The following LINGO1 variants were observed in gnomAD, a reference collection of about 807,000 sequenced individuals.
The protein encoded by LINGO1 is leucine-rich repeat and immunoglobulin-like domain-containing nogo receptor-interacting protein 1.
LINGO1 carries 11 observed loss-of-function variants against 37.3 expected under a neutral mutation model. The ratio of observed to expected loss-of-function variants is 0.29; its 90% CI spans 0.19 to 0.49. The LOEUF (loss-of-function observed/expected upper bound fraction) is 0.49, where lower values mean the gene tolerates loss of function less well. Among genes scored for constraint, LINGO1 ranks in the 20% least tolerant of loss-of-function variants. The pLI is 0.99. For missense variants in LINGO1, 585 were observed against 878.2 expected (o/e 0.67, Z 4.22); for synonymous variants, 387 against 403.0 (o/e 0.96, Z 0.48).
chr15:77,778,096 G>A (rs994569693), intron 1 of LINGO1, among the ~76,000 whole-genome samples: 2 of 152,208 alleles, frequency 1.3e-5, no homozygotes, highest in Non-Finnish European at 2.9e-5. Flanking sequence ...GGGGGGACTG[G>A]CTCCTGCCAT....
At chr15:77,758,867 G>T (rs138101830) in intron 1 of LINGO1, among the ~76,000 whole-genome samples, 2 of 151,770 alleles carry the variant, frequency 1.3e-5, no homozygotes, top group Non-Finnish European at 2.9e-5. Context: ...GGTCAGAAGC[G>T]GGGGGAGGAA....
At chr15:77,644,629 C>A (rs1243634371) in intron 3 of LINGO1, among the ~76,000 whole-genome samples, 1 of 152,162 alleles carries the variant, frequency 6.6e-6, no homozygotes, top group Non-Finnish European at 1.5e-5. Flanking sequence ...AGAGCTAAGC[C>A]CAGGGGCAGG....
upstream of LINGO1, among the ~76,000 whole-genome samples, chr15:77,700,365 T>A (rs2075766858): frequency 6.6e-6 from 1 of 152,214 alleles, no homozygotes; most frequent in South Asian, 2.1e-4. Context: ...AGGTGGCAGC[T>A]TTTCAACTGT....
At chr15:77,632,991 G>A (rs1195237402), upstream of LINGO1, among the ~76,000 whole-genome samples, 1 of 151,354 alleles carries the variant, frequency 6.6e-6, no homozygotes, top group Non-Finnish European at 1.5e-5. This position sits in a 1 kb window ranked among gnomAD's most constrained non-coding sequence, Gnocchi z 6.0. Context: ...GGGAGGAGAA[G>A]GCGCGGCCGC....
At chr15:77,719,211 C>T (rs1302864367) in intron 2 of LINGO1, among the ~76,000 whole-genome samples, 3 of 150,126 alleles carry the variant, frequency 2.0e-5, no homozygotes, top group African/African-American at 7.3e-5. Context: ...TTTGCCTGAG[C>T]CCCTCTGGGC....
At chr15:77,757,818 C>A (rs2076435374) in intron 1 of LINGO1, among the ~76,000 whole-genome samples, 1 of 152,172 alleles carries the variant, frequency 6.6e-6, no homozygotes, top group South Asian at 2.1e-4. Context: ...GGGCTCAGTC[C>A]CCAGCCCTGG....
upstream of LINGO1, among the ~76,000 whole-genome samples, chr15:77,633,788 G>A (rs960599387): frequency 6.6e-6 from 1 of 152,152 alleles, no homozygotes; most frequent in African/African-American, 2.4e-5. Context: ...ACCTCTCCTC[G>A]GAGATCCAGA....
Position 77,632,361 on chromosome 15 carries a change from T to C in LINGO1, c.-46A>G, listed in dbSNP as rs1162959845. Reference sequence around the variant, plus strand: ...GCTCGGCTCGGTCACCAATCGCATGTCTCTCCAGCCGGCCCGACCAGGCCC... The same window carrying C: ...GCTCGGCTCGGTCACCAATCGCATGCCTCTCCAGCCGGCCCGACCAGGCCC... On this transcript the variant is annotated 5_prime_UTR_variant, in exon 1 of 2. Transcript: ENST00000355300. The surrounding 1 kb of genome is among the most constrained non-coding windows in gnomAD (Gnocchi z 6.0). The C allele has an allele frequency of 1.0e-5, 14 of 1,396,738 alleles. No individual in the cohort carries two copies. The highest frequency in any genetic ancestry group is 1.2e-5 in the Non-Finnish European group (13 of 1,071,482). 86.5% of individuals were successfully genotyped at this position (1,396,738 alleles called of 1,614,324 possible).
chr15:77,678,481 T>C (rs942070908), intron 2 of LINGO1, among the ~76,000 whole-genome samples: 2 of 152,244 alleles, frequency 1.3e-5, no homozygotes, highest in African/African-American at 2.4e-5. Context: ...ACTTCACATT[T>C]ATTAATATCT....
At chr15:77,622,947 T>G (rs1173704501) in intron 1 of LINGO1, among the ~76,000 whole-genome samples, 1 of 152,184 alleles carries the variant, frequency 6.6e-6, no homozygotes, top group Non-Finnish European at 1.5e-5. Flanking sequence ...GCTTCTGGGC[T>G]TCTCCCAGCT....
intron 2 of LINGO1, among the ~76,000 whole-genome samples, chr15:77,720,909 C>A (rs2076043061): frequency 6.6e-6 from 1 of 152,060 alleles, no homozygotes. Context: ...CTCCCTCATC[C>A]CTCCACCCAC....
At chr15:77,818,861 C>G (rs2077070495) in intron 1 of LINGO1, among the ~76,000 whole-genome samples, 1 of 151,622 alleles carries the variant, frequency 6.6e-6, no homozygotes. Context: ...AGGCGCACCC[C>G]TCCGCCCGCC....
intron 1 of LINGO1, among the ~76,000 whole-genome samples, chr15:77,619,828 C>A (rs546572157): frequency 1.3e-5 from 2 of 152,376 alleles, no homozygotes; most frequent in Admixed American, 1.3e-4. Flanking sequence ...TCCCACAGAG[C>A]CATGGGCCAT....
chr15:77,671,669 G>A (rs546455096), intron 3 of LINGO1, among the ~76,000 whole-genome samples: 5 of 152,342 alleles, frequency 3.3e-5, no homozygotes, highest in Middle Eastern at 6.8e-3. Flanking sequence ...GGCGGTCCCC[G>A]CCTGGTACCC....
intron 2 of LINGO1, among the ~76,000 whole-genome samples, chr15:77,720,955 A>T (rs2076043743): frequency 6.6e-6 from 1 of 151,430 alleles, no homozygotes; most frequent in Non-Finnish European, 1.5e-5. Flanking sequence ...ACCTTCCGGG[A>T]CTCTCCTGGG....
Position 77,797,998 on chromosome 15 carries a change from G to A in LINGO1, c.-457-1945C>T, listed in dbSNP as rs191010278. On this transcript the variant is annotated intron_variant, in intron 1 of 5. Transcript: ENST00000562933. ...AGAAGTGGGTGCTGAGCAGGCTCCA[G>A]GGCCCACTTTGGCTTTCCAATCCTG... 4.9e-3 allele frequency among the ~76,000 whole-genome samples: 753 copies of A among 152,258 alleles called. 4 individuals are homozygous for A. Among genetic ancestry groups the A allele is most frequent in the South Asian group, 0.017 (81 of 4,820 alleles).
intron 1 of LINGO1, among the ~76,000 whole-genome samples, chr15:77,628,525 A>G (rs1208214748): frequency 6.6e-6 from 1 of 152,230 alleles, no homozygotes; most frequent in African/African-American, 2.4e-5. Context: ...TATATGTTAA[A>G]ATATATAATT....
chr15:77,693,764 A>G (rs1443423596), intron 1 of LINGO1, among the ~76,000 whole-genome samples: 1 of 152,160 alleles, frequency 6.6e-6, no homozygotes, highest in East Asian at 1.9e-4. Flanking sequence ...GTTGTGGCAG[A>G]ACCAGCTGGC....
intron 2 of LINGO1, among the ~76,000 whole-genome samples, chr15:77,725,843 T>C (rs2141321897): frequency 6.6e-6 from 1 of 152,314 alleles, no homozygotes; most frequent in African/African-American, 2.4e-5. Flanking sequence ...GAAAGAGAGC[T>C]GGTCTGAGAT....
Sources: allele counts gnomAD v4.1 joint callset (sites outside exome capture counted in the v4.1 genomes callset), GRCh38; gene constraint gnomAD v4.1.1; non-coding constraint Gnocchi (gnomAD v3.1); transcripts MANE v1.5; gene names NCBI Gene and HGNC (gene_info 2026-07-23, HGNC 2026-07-21).